GAK: variants seen among roughly 807,000 people sequenced by gnomAD.
The protein encoded by GAK is cyclin-G-associated kinase.
Under a neutral mutation model 143.9 loss-of-function variants are expected in GAK, and 79 were observed. The ratio of observed to expected loss-of-function variants is 0.55; its 90% confidence interval spans 0.46 to 0.66. The LOEUF (loss-of-function observed/expected upper bound fraction) is 0.66. GAK is among the 30% of genes least tolerant of loss of function. GAK has a pLI of 0.00. For synonymous variants in GAK, 881 were observed against 765.5 expected (o/e 1.15, Z -2.49); for missense variants, 1,693 against 1,779.7 (o/e 0.95, Z 0.88).
At chr4:913,536 G>A in intron 2 of GAK, 71 bp downstream of exon 2, 1 of 1,202,012 alleles carries the variant, frequency 8.3e-7, no homozygotes, top group Non-Finnish European at 1.2e-6. Context: ...ACGCATCCCT[G>A]AAAAGACTGT....
At chr4:928,176 G>C (rs1024981490) in intron 1 of GAK, among the ~76,000 whole-genome samples, 3 of 152,204 alleles carry the variant, frequency 2.0e-5, no homozygotes, top group African/African-American at 7.2e-5. Flanking sequence ...TCCTGCCTCA[G>C]CCTCCTGAGC....
At chr4:909,499 T>C (rs1721659160) in intron 4 of GAK, among the ~76,000 whole-genome samples, 1 of 151,984 alleles carries the variant, frequency 6.6e-6, no homozygotes, top group African/African-American at 2.4e-5. Flanking sequence ...ACGGACTGCA[T>C]GGACGCACGG....
chr4:855,262 G>A (rs1376431799), intron 24 of GAK, among the ~76,000 whole-genome samples: 6 of 151,952 alleles, frequency 3.9e-5, no homozygotes, highest in African/African-American at 7.3e-5. Flanking sequence ...CTTTCGCCAC[G>A]GTTGGTTTTG....
intron 15 of GAK, among the ~76,000 whole-genome samples, chr4:879,238 G>C (rs1408975157): frequency 6.6e-6 from 1 of 152,162 alleles, no homozygotes; most frequent in Non-Finnish European, 1.5e-5. Context: ...CTGCCTCCGT[G>C]CTGAAAGAGG....
At chr4:899,220 T>C (rs1033453272) in intron 5 of GAK, among the ~76,000 whole-genome samples, 2 of 152,096 alleles carry the variant, frequency 1.3e-5, no homozygotes, top group Admixed American at 1.3e-4. Context: ...AAACCACAGA[T>C]CTTTCGGAAG....
chr4:871,785 C>T (rs187971325), intron 18 of GAK, among the ~76,000 whole-genome samples: 82 of 152,228 alleles, frequency 5.4e-4, no homozygotes, highest in South Asian at 3.1e-3. Context: ...TGACCATTTC[C>T]CAGCCCCACA....
chr4:884,910 A>G (rs1715965692), intron 11 of GAK, among the ~76,000 whole-genome samples: 1 of 152,216 alleles, frequency 6.6e-6, no homozygotes, highest in Admixed American at 6.5e-5. Flanking sequence ...CAGAGAGATG[A>G]ATGACCCAAA....
intron 6 of GAK, among the ~76,000 whole-genome samples, chr4:897,098 C>T (rs1718951255): frequency 6.6e-6 from 1 of 152,246 alleles, no homozygotes; most frequent in Non-Finnish European, 1.5e-5. Flanking sequence ...AATCTCCGTG[C>T]ATGGCAGACA....
At chr4:861,150 C>T (rs1750206852) in intron 23 of GAK, among the ~76,000 whole-genome samples, 1 of 152,198 alleles carries the variant, frequency 6.6e-6, no homozygotes, top group Admixed American at 6.5e-5. Flanking sequence ...TCAAGCCTCC[C>T]TATTCCCCGA....
At chr4:868,819 A>T in intron 19 of GAK, 134 bp from the exon 20 acceptor site, 1 of 858,992 alleles carries the variant, frequency 1.2e-6, no homozygotes, top group Non-Finnish European at 1.8e-6. Context: ...AAGCAGACCA[A>T]TGACATGACG....
chr4:872,573 G>A (rs1712902312), intron 18 of GAK: 1 of 152,546 alleles, frequency 6.6e-6, no homozygotes, highest in Non-Finnish European at 1.5e-5. Context: ...CACAGTGGGA[G>A]GGGCACGGAG....
chr4:917,979 G>A (rs563681154), intron 1 of GAK, among the ~76,000 whole-genome samples: 1 of 152,280 alleles, frequency 6.6e-6, no homozygotes, highest in East Asian at 1.9e-4. Flanking sequence ...TAGAGGAGAA[G>A]GGTTCCCAGC....
At chr4:931,981 C>A (rs1160593957) in intron 1 of GAK, 62 bp downstream of exon 1, 9 of 1,198,860 alleles carry the variant, frequency 7.5e-6, no homozygotes, top group Admixed American at 1.9e-5. Flanking sequence ...GCTGACGCTG[C>A]CCCCAGCGTC....
chr4:916,451 C>T (rs1414244534), intron 1 of GAK, among the ~76,000 whole-genome samples: 6 of 152,114 alleles, frequency 3.9e-5, no homozygotes, highest in South Asian at 4.1e-4. Flanking sequence ...GACGAGGTTT[C>T]GCCAAGTTGC....
chr4:881,973 G>A lies in GAK; in HGVS notation c.1595C>T (p.Ala532Val), dbSNP rs756217790. ...FLCFCRLFSTAEAAVYMFSMK... is the reference protein window; with the variant it reads ...FLCFCRLFSTVEAAVYMFSMK... The stretch of plus-strand genomic sequence containing the variant: ...GCTGAACATGTACACGGCGGCCTCC[G>A]CGGTGCTGAAGAGACGGCAGAAGCA... The change falls in exon 15 of 28, where the codon GCG becomes GTG. Residue 532 changes from alanine (A) to valine (V), a missense_variant. Coordinates refer to ENST00000314167, the MANE Select transcript of GAK (RefSeq NM_005255.4). 22 of 1,603,030 alleles carry A rather than the reference G, an allele frequency of 1.4e-5. No homozygotes were observed. Among genetic ancestry groups the A allele is most frequent in the East Asian group, 2.2e-5 (1 of 44,530 alleles).
chr4:870,175 T>C (rs562000282), intron 19 of GAK, among the ~76,000 whole-genome samples: 2 of 152,232 alleles, frequency 1.3e-5, no homozygotes, highest in African/African-American at 4.8e-5. Context: ...TCAGGGACGC[T>C]GAAGATGCTC....
intron 18 of GAK, among the ~76,000 whole-genome samples, chr4:873,438 C>T (rs1007635283): frequency 6.6e-6 from 1 of 152,074 alleles, no homozygotes; most frequent in Non-Finnish European, 1.5e-5. Flanking sequence ...GAACAGATGC[C>T]ATTTCTCCAA....
intron 1 of GAK, among the ~76,000 whole-genome samples, chr4:923,863 G>C (rs1724269837): frequency 1.3e-5 from 2 of 151,884 alleles, no homozygotes; most frequent in South Asian, 4.2e-4. Flanking sequence ...TGTATCCAGA[G>C]TAAGCAGAAA....
intron 1 of GAK, among the ~76,000 whole-genome samples, chr4:917,080 G>A (rs1723185913): frequency 6.6e-6 from 1 of 151,778 alleles, no homozygotes; most frequent in African/African-American, 2.4e-5. Flanking sequence ...GGCGAAAAAA[G>A]AGTACATACA....
Sources: allele counts gnomAD v4.1 joint callset (sites outside exome capture counted in the v4.1 genomes callset), GRCh38; gene constraint gnomAD v4.1.1; transcripts MANE v1.5; gene names NCBI Gene and HGNC (gene_info 2026-07-23, HGNC 2026-07-21).